Variants in STAB2 observed in about 807,000 individuals in gnomAD.
STAB2 encodes the protein stabilin-2.
Under a neutral mutation model 338.1 loss-of-function variants are expected in STAB2, and 288 were observed. That is an observed-to-expected ratio of 0.85 (90% CI 0.77 to 0.94). The LOEUF (loss-of-function observed/expected upper bound fraction) is 0.94. STAB2 is among the 40% of genes least tolerant of loss of function. STAB2 has a pLI of 0.00. For missense variants in STAB2, 3,141 were observed against 3,210.1 expected, an observed-to-expected ratio of 0.98 and a Z score of 0.52; for synonymous variants, 1,202 against 1,193.3, an observed-to-expected ratio of 1.01 and a Z score of -0.15.
At position 103,638,044 on chromosome 12, in the gene STAB2, C is replaced by T; in HGVS notation, c.738C>T (p.Cys246=). The T allele has an allele frequency of 6.2e-7, 1 of 1,613,214 alleles. No individual in the cohort carries two copies. Among genetic ancestry groups the T allele is most frequent in the Non-Finnish European group, 8.5e-7 (1 of 1,179,334 alleles). The stretch of plus-strand genomic sequence containing the variant: ...TCAATCCATGTTTACGAAAAATCTG[C>T]CACCCTCATGCTCATTGTACGTACC... ...DPINPCLRKI[C]HPHAHCTYLG... The change falls in exon 8 of 69, where the codon TGC becomes TGT. Residue 246 remains cysteine, a synonymous_variant. Transcript: ENST00000388887.
At chr12:103,744,504 T>TCTTA (rs1882851410) in intron 56 of STAB2, among the ~76,000 whole-genome samples, 1 of 146,116 alleles carries the variant, frequency 6.8e-6, no homozygotes, top group Non-Finnish European at 1.5e-5. Flanking sequence ...TCTCACTCTG[T>TCTTA]TACCCAGACT....
At chr12:103,711,611 T>C in intron 40 of STAB2, 95 bp downstream of exon 40, 1 of 1,412,798 alleles carries the variant, frequency 7.1e-7, no homozygotes, top group South Asian at 1.2e-5. Context: ...ATTTGTTTCC[T>C]GACACCATTT....
chr12:103,660,442 T>A, intron 16 of STAB2, 58 bp downstream of exon 16: 2 of 1,582,480 alleles, frequency 1.3e-6, no homozygotes, highest in Non-Finnish European at 1.7e-6. Context: ...GCTAACTTAG[T>A]CTTGAATTCC....
chr12:103,738,681 C>T (rs115634279), intron 53 of STAB2, among the ~76,000 whole-genome samples: 241 of 152,296 alleles, frequency 1.6e-3, no homozygotes, highest in African/African-American at 5.7e-3. Context: ...CATTTTTCCT[C>T]ATCAATCTTC....
intron 36 of STAB2, 139 bp downstream of exon 36, chr12:103,704,753 T>C (rs973348524): frequency 1.2e-5 from 9 of 728,352 alleles, no homozygotes; most frequent in South Asian, 2.1e-5. Flanking sequence ...CGTTATATTA[T>C]ATGCATCTTT....
rs951993532 is a variant in STAB2, at chr12:103,637,975, C to A, written c.710-41C>A. 4 of 1,585,142 alleles carry A rather than the reference C, an allele frequency of 2.5e-6. No individual in the cohort carries two copies. In the African/African-American group the frequency reaches 5.4e-5, roughly 21 times the overall value. On this transcript the variant is annotated intron_variant, in intron 7 of 68. Transcript: ENST00000388887. Reference sequence around the variant, plus strand: ...ACGGTTCAGTTTTCCTTCTCCATCCCCGTTAACTAACTGCCTCTCATTTTG... The same window carrying A: ...ACGGTTCAGTTTTCCTTCTCCATCCACGTTAACTAACTGCCTCTCATTTTG...
intron 44 of STAB2, among the ~76,000 whole-genome samples, chr12:103,719,415 T>C (rs1436392433): frequency 6.6e-6 from 1 of 152,174 alleles, no homozygotes; most frequent in Non-Finnish European, 1.5e-5. Flanking sequence ...ACAAACTGGG[T>C]GGGTGAAAAC....
intron 18 of STAB2, 50 bp from the exon 19 acceptor site, chr12:103,666,241 T>A: frequency 6.3e-7 from 1 of 1,578,072 alleles, no homozygotes; most frequent in Non-Finnish European, 8.7e-7. Flanking sequence ...CCATCGCCAC[T>A]GCTCCCTCTC....
At chr12:103,752,271 TAAAG>T (rs1162382510) in intron 60 of STAB2, among the ~76,000 whole-genome samples, 1 of 152,220 alleles carries the variant, frequency 6.6e-6, no homozygotes, top group East Asian at 1.9e-4. Flanking sequence ...GTTGTCTCAA[TAAAG>T]AGACAAGGAA....
At chr12:103,735,695 G>C in intron 52 of STAB2, 115 bp downstream of exon 52, 1 of 845,880 alleles carries the variant, frequency 1.2e-6, no homozygotes, top group Non-Finnish European at 1.7e-6. Context: ...TTCATAGCGG[G>C]CTCATTTTTT....
chr12:103,730,714 C>T (rs1275346984), intron 49 of STAB2, among the ~76,000 whole-genome samples: 1 of 152,098 alleles, frequency 6.6e-6, no homozygotes, highest in South Asian at 2.1e-4. Flanking sequence ...AATTCGGATG[C>T]TACACAGCTG....
At chr12:103,702,583 GCC>G (rs1266134660) in intron 34 of STAB2, among the ~76,000 whole-genome samples, 2 of 152,240 alleles carry the variant, frequency 1.3e-5, no homozygotes, top group African/African-American at 4.8e-5. Flanking sequence ...ACAGGCGTGA[GCC>G]ACCGCGCCCG....
chr12:103,611,643 A>G (rs531129754), intron 3 of STAB2, among the ~76,000 whole-genome samples: 65 of 152,186 alleles, frequency 4.3e-4, no homozygotes, highest in African/African-American at 1.5e-3. Context: ...TCTTTATGCA[A>G]TTTGCCAGTG....
In STAB2 at chr12:103,655,274, A is replaced by G; in HGVS notation, c.1575A>G (p.Gln525=). 1 of 1,613,166 alleles carries G rather than the reference A, an allele frequency of 6.2e-7. No homozygotes were observed. Residue 525 remains glutamine (Q), a synonymous_variant, in exon 14 of 69, where the codon CAA becomes CAG. Transcript: ENST00000388887. The part of the protein sequence containing the change: ...NNEQTIMTML[Q]PRYSKFRSLL... ...AGCAAACCATAATGACAATGCTACAACCAAGGTACAGCAAGTTCAGATCTT... is the reference window on the plus strand; with the variant it reads ...AGCAAACCATAATGACAATGCTACAGCCAAGGTACAGCAAGTTCAGATCTT...
intron 3 of STAB2, among the ~76,000 whole-genome samples, chr12:103,599,254 C>A (rs1057506179): frequency 5.3e-5 from 8 of 152,212 alleles, no homozygotes; most frequent in Non-Finnish European, 1.0e-4. Flanking sequence ...AGTGTATTAT[C>A]TTCCTTTAAA....
intron 36 of STAB2, 138 bp from the exon 37 acceptor site, chr12:103,705,494 G>A (rs557554973): frequency 1.5e-6 from 1 of 662,988 alleles, no homozygotes; most frequent in African/African-American, 1.8e-5. Context: ...TTAAGAAGCA[G>A]TGCCAACAAG....
In STAB2 at chr12:103,748,975, G is replaced by A; in HGVS notation, c.6257G>A (p.Cys2086Tyr). ...DGITCTVVDF[C>Y]KQDNGGCAKV... Reference sequence around the variant, plus strand: ...TCTGCTCTTGCAGTTGTGGATTTCTGCAAACAGGACAACGGGGGCTGTGCA... The same window carrying A: ...TCTGCTCTTGCAGTTGTGGATTTCTACAAACAGGACAACGGGGGCTGTGCA... The change falls in exon 59 of 69, where the codon TGC (cysteine) becomes TAC (tyrosine). Residue 2086 changes from cysteine to tyrosine, a missense_variant. By Grantham distance (194) the Cys-to-Tyr change is radical (BLOSUM62 -2). Coordinates refer to ENST00000388887, the MANE Select transcript of STAB2 (RefSeq NM_017564.10). The A allele has an allele frequency of 1.2e-6, 2 of 1,613,154 alleles. No homozygotes were observed. The highest frequency in any genetic ancestry group is 1.7e-6 in the Non-Finnish European group (2 of 1,179,492).
chr12:103,705,604 A>G (rs1879276292), intron 36 of STAB2, 28 bp from the exon 37 acceptor site: 1 of 1,607,510 alleles, frequency 6.2e-7, no homozygotes, highest in East Asian at 2.2e-5. Context: ...CTAACTTAGG[A>G]GCTGACGTAG....
chr12:103,678,830 C>T (rs1253743744), intron 25 of STAB2, among the ~76,000 whole-genome samples: 1 of 152,126 alleles, frequency 6.6e-6, no homozygotes, highest in Non-Finnish European at 1.5e-5. Flanking sequence ...CCATGCCCAG[C>T]CAATCTTCCT....
Sources: allele counts gnomAD v4.1 joint callset (sites outside exome capture counted in the v4.1 genomes callset), GRCh38; gene constraint gnomAD v4.1.1; transcripts MANE v1.5; gene names NCBI Gene and HGNC (gene_info 2026-07-23, HGNC 2026-07-21).